The following NEK7 variants were observed in gnomAD, a reference collection of about 807,000 sequenced individuals.
The protein encoded by NEK7 is serine/threonine-protein kinase Nek7.
Under a neutral mutation model 44.6 loss-of-function variants are expected in NEK7, and 18 were observed. That is an observed-to-expected ratio of 0.40 (90% CI 0.28 to 0.60). The LOEUF is 0.60. Among genes scored for constraint, NEK7 ranks in the 20% least tolerant of loss-of-function variants. The pLI is 0.38. For synonymous variants in NEK7, 130 were observed against 121.1 expected, an observed-to-expected ratio of 1.07 and a Z score of -0.48; for missense variants, 256 against 366.5, an observed-to-expected ratio of 0.70 and a Z score of 2.46.
At chr1:198,317,889 T>TA (rs1478530224) in intron 9 of NEK7, among the ~76,000 whole-genome samples, 3 of 146,316 alleles carry the variant, frequency 2.1e-5, no homozygotes, top group Non-Finnish European at 4.5e-5. Flanking sequence ...TTTTTTTTTT[T>TA]TTTTTTTTTT....
rs1345132236 is a variant in NEK7 at position 198,321,657 on chromosome 1, T to C, written c.*2135T>C. 2 of 152,156 alleles carry C rather than the reference T, an allele frequency of 1.3e-5. No homozygotes were observed. The highest frequency in any genetic ancestry group is 2.9e-5 in the Non-Finnish European group (2 of 67,988). 9.4% of individuals were successfully genotyped at this position (152,156 alleles called of 1,614,324 possible). ...ATTCATTATTTCTATATGTGGAAAC[T>C]TTTTGCTTCGAATATTGTATCTTTT... On this transcript the variant is annotated 3_prime_UTR_variant, in exon 10 of 10. Coordinates refer to ENST00000367385, the MANE Select transcript of NEK7 (RefSeq NM_133494.3).
At chr1:198,173,643 A>G (rs1425574450) in intron 1 of NEK7, among the ~76,000 whole-genome samples, 1 of 150,208 alleles carries the variant, frequency 6.7e-6, no homozygotes, top group Non-Finnish European at 1.5e-5. Context: ...ACACTTTAGC[A>G]TTCTTTAGTT....
chr1:198,210,301 G>T (rs1017084128), intron 1 of NEK7, among the ~76,000 whole-genome samples: 2 of 152,132 alleles, frequency 1.3e-5, no homozygotes, highest in Admixed American at 6.5e-5. Flanking sequence ...GCTTAGGCAG[G>T]TCTTGAACTC....
intron 1 of NEK7, among the ~76,000 whole-genome samples, chr1:198,157,521 C>T (rs1663938145): frequency 6.6e-6 from 1 of 152,318 alleles, no homozygotes; most frequent in East Asian, 1.9e-4. Context: ...CTCTAGAGGC[C>T]CGAGGCCGCC....
chr1:198,295,338 A>T (rs1039744016), intron 8 of NEK7, among the ~76,000 whole-genome samples: 1 of 152,026 alleles, frequency 6.6e-6, no homozygotes, highest in Admixed American at 6.6e-5. Flanking sequence ...TCCCTCCGAC[A>T]CCCCCAGAAT....
intron 7 of NEK7, among the ~76,000 whole-genome samples, chr1:198,283,648 T>C (rs1296851364): frequency 6.6e-6 from 1 of 152,128 alleles, no homozygotes; most frequent in Non-Finnish European, 1.5e-5. Flanking sequence ...CCTTATTATT[T>C]GTCAATCTTA....
intron 1 of NEK7, among the ~76,000 whole-genome samples, chr1:198,228,063 A>G (rs1479872614): frequency 4.6e-5 from 7 of 152,172 alleles, no homozygotes; most frequent in African/African-American, 7.2e-5. Context: ...TAAGGAAGGG[A>G]TCCAGTTGCA....
Position 198,164,460 on chromosome 1 carries a change from A to T in NEK7, c.-29+7184A>T, listed in dbSNP as rs114372069. ...AGCTCTATACAGGCATTATTCAGAG[A>T]TATTGCAGGTTCTAGTCTAGACCAC... On this transcript the variant is annotated intron_variant, in intron 1 of 9. Coordinates refer to ENST00000367385, the MANE Select transcript of NEK7 (RefSeq NM_133494.3). Among the ~76,000 whole-genome samples the T allele has an allele frequency of 7.7e-4, 117 of 152,306 alleles. No homozygotes were observed. In the Middle Eastern group the frequency reaches 0.01, roughly 13 times the overall value.
At chr1:198,178,692 G>T (rs181102707) in intron 1 of NEK7, among the ~76,000 whole-genome samples, 2,001 of 146,138 alleles carry the variant, frequency 0.014, 20 homozygotes, top group Middle Eastern at 0.02. Context: ...ATTTTTTGTT[G>T]TTGTTGTTGT....
intron 9 of NEK7, among the ~76,000 whole-genome samples, chr1:198,298,475 G>C (rs1019647000): frequency 6.6e-6 from 1 of 152,072 alleles, no homozygotes; most frequent in African/African-American, 2.4e-5. Context: ...AGAATAAACT[G>C]TTACAGAGCA....
At chr1:198,201,723 C>T (rs908991365) in intron 1 of NEK7, among the ~76,000 whole-genome samples, 4 of 151,962 alleles carry the variant, frequency 2.6e-5, no homozygotes, top group African/African-American at 7.3e-5. Context: ...CTTCTCTTTC[C>T]GGAGCCTCAC....
At chr1:198,308,838 T>TC (rs1460527512) in intron 9 of NEK7, among the ~76,000 whole-genome samples, 1 of 151,498 alleles carries the variant, frequency 6.6e-6, no homozygotes, top group Non-Finnish European at 1.5e-5. Context: ...CTTAGAATTC[T>TC]CTCCCCCCCT....
chr1:198,321,536 C>A lies in NEK7; in HGVS notation c.*2014C>A, dbSNP rs1433588258. On this transcript the variant is annotated 3_prime_UTR_variant, in exon 10 of 10. Transcript: ENST00000367385. The stretch of plus-strand genomic sequence containing the variant: ...AGATCTAAAATTCATTAGCTTGACC[C>A]CTCAAAGTAACTTTTAAGTAAAGAT... 2.0e-5 allele frequency: 3 copies of A among 151,936 alleles called. No individual in the cohort carries two copies. Among genetic ancestry groups the A allele is most frequent in the African/African-American group, 7.3e-5 (3 of 41,356 alleles). 9.4% of individuals were successfully genotyped at this position (151,936 alleles called of 1,614,324 possible). A position where few individuals can be genotyped will look rare whatever the true frequency, so the allele number is the denominator to read the frequency against.
chr1:198,220,893 T>TGAAATGTC (rs1467732610), intron 1 of NEK7: 1 of 152,106 alleles, frequency 6.6e-6, no homozygotes, highest in Non-Finnish European at 1.5e-5. Flanking sequence ...TTGTAATCAA[T>TGAAATGTC]GAAATGTCTT....
In NEK7 at chr1:198,170,402, A is replaced by G. The variant is rs77594164; in HGVS notation, c.-29+13126A>G. Among the ~76,000 whole-genome samples, 530 of 152,320 alleles carry G rather than the reference A, an allele frequency of 3.5e-3. 1 individual carries two copies. The highest frequency in any genetic ancestry group is 0.011 in the African/African-American group (471 of 41,564). On this transcript the variant is annotated intron_variant, in intron 1 of 9. Coordinates refer to ENST00000367385, the MANE Select transcript of NEK7 (RefSeq NM_133494.3). ...GTCCTGGAGTTAAGATATGATATTAAAACATGACAGGCAGTTAGATTAAAT... is the reference window on the plus strand; with the variant it reads ...GTCCTGGAGTTAAGATATGATATTAGAACATGACAGGCAGTTAGATTAAAT...
intron 2 of NEK7, chr1:198,245,080 G>A (rs1666798054): frequency 6.1e-6 from 1 of 163,194 alleles, no homozygotes; most frequent in Non-Finnish European, 1.5e-5. Context: ...ATAAACTACA[G>A]AAAAGGAAAT....
Position 198,222,492 on chromosome 1 carries a change from A to C in NEK7, c.-28-10061A>C, listed in dbSNP as rs1666099106. 5.3e-5 allele frequency among the ~76,000 whole-genome samples: 8 copies of C among 152,020 alleles called. No homozygotes were observed. The South Asian group carries it at 1.7e-3, about 32-fold the overall frequency. ...CCTTCCTGACACCTGCCCTGTTTTT[A>C]TTTCCCCTCTATTACCTACTTTTGA... is the stretch of plus-strand genomic sequence containing the variant. On this transcript the variant is annotated intron_variant, in intron 1 of 9. Coordinates refer to ENST00000367385, the MANE Select transcript of NEK7 (RefSeq NM_133494.3).
chr1:198,204,717 CAAAAA>C (rs58273857), intron 1 of NEK7, among the ~76,000 whole-genome samples: 3 of 87,862 alleles, frequency 3.4e-5, no homozygotes, highest in African/African-American at 4.0e-5. Flanking sequence ...GACTCCGTCT[CAAAAA>C]AAAAAAAAAA....
intron 9 of NEK7, among the ~76,000 whole-genome samples, 185 bp from the exon 10 acceptor site, chr1:198,319,227 T>A (rs1046111160): frequency 6.6e-6 from 1 of 152,230 alleles, no homozygotes; most frequent in Non-Finnish European, 1.5e-5. Context: ...ATGCACTTCA[T>A]AGAACATTTA....
Sources: gnomAD v4.1 joint callset for allele counts (sites outside exome capture counted in the v4.1 genomes callset) on GRCh38, gnomAD v4.1.1 for gene constraint, MANE v1.5 for transcripts, NCBI Gene and HGNC (gene_info 2026-07-23, HGNC 2026-07-21) for gene names.